UNC13C: variants seen among roughly 807,000 people sequenced by gnomAD.
UNC13C encodes the protein protein unc-13 homolog C.
UNC13C carries 174 observed loss-of-function variants against 245.4 expected under a neutral mutation model. The ratio of observed to expected loss-of-function variants is 0.71; its 90% CI spans 0.63 to 0.80. The LOEUF is 0.80. Ranked by LOEUF, UNC13C falls within the 30% of genes least tolerant of loss-of-function variation. UNC13C has a pLI of 0.00. For missense variants in UNC13C, 2,829 were observed against 2,602.9 expected, an observed-to-expected ratio of 1.09 and a Z score of -1.89; for synonymous variants, 992 against 895.1, an observed-to-expected ratio of 1.11 and a Z score of -1.93.
chr15:54,267,614 A>C (rs1407380107), intron 10 of UNC13C, among the ~76,000 whole-genome samples: 2 of 151,830 alleles, frequency 1.3e-5, no homozygotes, highest in Non-Finnish European at 2.9e-5. Flanking sequence ...TTGCTTTTTC[A>C]ATAACAAATC....
At chr15:54,367,375 A>T (rs1252224869) in intron 17 of UNC13C, among the ~76,000 whole-genome samples, 1 of 152,212 alleles carries the variant, frequency 6.6e-6, no homozygotes, top group African/African-American at 2.4e-5. Context: ...AATTCTTGAT[A>T]GATTTAACAG....
intron 2 of UNC13C, among the ~76,000 whole-genome samples, chr15:54,033,831 A>G (rs1045002065): frequency 2.0e-5 from 3 of 152,184 alleles, no homozygotes; most frequent in Non-Finnish European, 4.4e-5. Context: ...GAACTCCTTG[A>G]GCATAGGAGA....
At chr15:53,984,517 T>G (rs1894050509) in intron 1 of UNC13C, among the ~76,000 whole-genome samples, 1 of 152,138 alleles carries the variant, frequency 6.6e-6, no homozygotes, top group South Asian at 2.1e-4. Flanking sequence ...TACTTAAAAT[T>G]TCTGCATCTG....
chr15:54,344,849 C>G (rs2038823316), intron 17 of UNC13C, among the ~76,000 whole-genome samples: 2 of 152,194 alleles, frequency 1.3e-5, no homozygotes, highest in Non-Finnish European at 1.5e-5. Flanking sequence ...TACCCTGGCT[C>G]AAAACCATAA....
At chr15:54,086,901 A>G (rs564390342) in intron 2 of UNC13C, among the ~76,000 whole-genome samples, 1 of 151,796 alleles carries the variant, frequency 6.6e-6, no homozygotes, top group Admixed American at 6.6e-5. Context: ...GACCCAGCTA[A>G]TTTTTTGTAT....
At chr15:53,976,136 A>G (rs1166429421), upstream of UNC13C, among the ~76,000 whole-genome samples, 4 of 152,192 alleles carry the variant, frequency 2.6e-5, no homozygotes, top group Admixed American at 2.6e-4. Flanking sequence ...ATAAAGTCAT[A>G]AAGCTCTGTC....
Position 54,333,826 on chromosome 15 carries a change from G to A in UNC13C, c.4554G>A (p.Leu1518=). Residue 1518 remains leucine, a synonymous_variant, in exon 16 of 33, where the codon CTG becomes CTA. Transcript: ENST00000260323. ...RLQDLKSTVD[L]LTSITFFRMK... ...AAGACCTGAAATCAACTGTTGACCT[G>A]TTAACAAGTATCACCTTTTTTAGGA... is the stretch of plus-strand genomic sequence containing the variant. The A allele has an allele frequency of 6.2e-7, 1 of 1,605,836 alleles. No homozygotes were observed.
intron 13 of UNC13C, among the ~76,000 whole-genome samples, chr15:54,308,798 A>T (rs1040689266): frequency 6.6e-6 from 1 of 151,680 alleles, no homozygotes; most frequent in South Asian, 2.1e-4. Context: ...ATTTAACATA[A>T]TGTTCTCCAT....
rs150327209 is a variant in UNC13C, at chr15:54,532,449, T to G, written c.5547-468T>G. 3.9e-4 allele frequency among the ~76,000 whole-genome samples: 59 copies of G among 152,280 alleles called. No individual in the cohort carries two copies. In the East Asian group the frequency reaches 0.011, roughly 27 times the overall value. ...ACCTAAATGCCCATCAACCCTAGACTGGATAAAGAAACTATGGTACATATA... is the reference window on the plus strand; with the variant it reads ...ACCTAAATGCCCATCAACCCTAGACGGGATAAAGAAACTATGGTACATATA... On this transcript the variant is annotated intron_variant, in intron 25 of 32. Coordinates refer to ENST00000260323, the MANE Select transcript of UNC13C (RefSeq NM_001080534.3).
At chr15:54,453,007 T>C (rs1055672118) in intron 19 of UNC13C, among the ~76,000 whole-genome samples, 1 of 152,154 alleles carries the variant, frequency 6.6e-6, no homozygotes, top group African/African-American at 2.4e-5. Context: ...CAGGACAGGA[T>C]GCATTCTGGT....
At chr15:54,354,108 C>T (rs145083183) in intron 17 of UNC13C, among the ~76,000 whole-genome samples, 92 of 152,102 alleles carry the variant, frequency 6.0e-4, no homozygotes, top group African/African-American at 2.1e-3. Context: ...ATAGAGGCTC[C>T]CATCAATTAG....
intron 30 of UNC13C, among the ~76,000 whole-genome samples, chr15:54,589,289 C>CATTTTTTTTTTTTT (rs1898650764): frequency 1.9e-5 from 1 of 53,486 alleles, no homozygotes; most frequent in Non-Finnish European, 3.3e-5. Context: ...TCTTCTTCTT[C>CATTTTTTTTTTTTT]TTTTTTTTTT....
intron 2 of UNC13C, among the ~76,000 whole-genome samples, chr15:54,042,625 G>A (rs1179323097): frequency 3.3e-5 from 5 of 152,058 alleles, no homozygotes; most frequent in East Asian, 1.9e-4. Context: ...AGGCTGAGGC[G>A]GGCGGATCAC....
the UNC13C span, among the ~76,000 whole-genome samples, chr15:53,920,993 T>C: frequency 6.6e-6 from 1 of 151,856 alleles, no homozygotes; most frequent in Non-Finnish European, 1.5e-5. Flanking sequence ...GGGAGTAATA[T>C]TTGAAATGAG....
chr15:54,091,111 A>C (rs1899549065), intron 2 of UNC13C, among the ~76,000 whole-genome samples: 1 of 151,962 alleles, frequency 6.6e-6, no homozygotes, highest in African/African-American at 2.4e-5. Context: ...GACCTTCCTC[A>C]GTGGGGTTCC....
intron 30 of UNC13C, among the ~76,000 whole-genome samples, chr15:54,571,543 G>T (rs138316503): frequency 6.6e-6 from 1 of 152,158 alleles, no homozygotes; most frequent in African/African-American, 2.4e-5. Flanking sequence ...TAACTGTCTA[G>T]GACTTAGCAC....
intron 19 of UNC13C, among the ~76,000 whole-genome samples, chr15:54,455,450 G>A (rs529283301): frequency 1.3e-5 from 2 of 150,030 alleles, no homozygotes; most frequent in South Asian, 4.2e-4. Flanking sequence ...TGTTTCCACA[G>A]TGGTTTTACT....
intron 8 of UNC13C, among the ~76,000 whole-genome samples, chr15:54,251,893 A>G (rs2036161431): frequency 6.6e-6 from 1 of 152,214 alleles, no homozygotes; most frequent in Non-Finnish European, 1.5e-5. Context: ...AGTATTCTCC[A>G]TACAAGATTA....
chr15:54,582,442 G>A (rs1483636654), intron 30 of UNC13C, among the ~76,000 whole-genome samples: 2 of 152,286 alleles, frequency 1.3e-5, no homozygotes, highest in East Asian at 3.9e-4. Context: ...CAGTTCTGCA[G>A]CTAAATTCAG....
Sources: gnomAD v4.1 joint callset for allele counts (sites outside exome capture counted in the v4.1 genomes callset) on GRCh38, gnomAD v4.1.1 for gene constraint, MANE v1.5 for transcripts, NCBI Gene and HGNC (gene_info 2026-07-23, HGNC 2026-07-21) for gene names.